The following RSPO2 variants were observed in gnomAD, a reference collection of about 807,000 sequenced individuals.
RSPO2 encodes the protein R-spondin-2.
Under a neutral mutation model 30.9 loss-of-function variants are expected in RSPO2, and 14 were observed. The observed-to-expected ratio is 0.45, with a 90% confidence interval of 0.30 to 0.71. The LOEUF (loss-of-function observed/expected upper bound fraction) is 0.71. Among genes scored for constraint, RSPO2 ranks in the 30% least tolerant of loss-of-function variants. The probability of loss-of-function intolerance (pLI) is 0.08; values close to 1 mark genes in which losing one functional copy is unlikely to be tolerated. For missense variants in RSPO2, 264 were observed against 301.9 expected (o/e 0.87, Z 0.93); for synonymous variants, 107 against 96.4 (o/e 1.11, Z -0.64).
intron 5 of RSPO2, among the ~76,000 whole-genome samples, chr8:107,928,652 A>G (rs915377579): frequency 6.6e-6 from 1 of 152,210 alleles, no homozygotes; most frequent in Admixed American, 6.5e-5. Context: ...CAAGTTTAGA[A>G]CATGCTCTTT....
Position 107,960,715 on chromosome 8 carries a change from G to A in RSPO2, c.386C>T (p.Pro129Leu), listed in dbSNP as rs1359670074. Residue 129 changes from proline (P) to leucine (L), a missense_variant, in exon 4 of 6, where the codon CCA (proline) becomes CTA (leucine). Transcript: ENST00000276659. ...LHRGRCFDEC[P>L]DGFAPLEETM... ...TTCTTCTAATGGTGCAAAACCATCT[G>A]GACATTCATCAAAGCAACGGCCTCT... 1 of 1,613,450 alleles carries A rather than the reference G, an allele frequency of 6.2e-7. No homozygotes were observed. The highest frequency in any genetic ancestry group is 1.7e-5 in the Admixed American group (1 of 59,952).
intron 5 of RSPO2, among the ~76,000 whole-genome samples, chr8:107,931,284 C>T (rs902130152): frequency 1.3e-5 from 2 of 152,232 alleles, no homozygotes; most frequent in African/African-American, 4.8e-5. Flanking sequence ...TCTTTATTCT[C>T]CCCGTATCCT....
At chr8:108,005,514 C>T (rs1476004313) in intron 2 of RSPO2, among the ~76,000 whole-genome samples, 8 of 149,778 alleles carry the variant, frequency 5.3e-5, no homozygotes, top group African/African-American at 2.0e-4. Context: ...CCTTTCCCTT[C>T]TCCCTCATTT....
chr8:107,978,773 C>T (rs1436944488), intron 3 of RSPO2, among the ~76,000 whole-genome samples: 5 of 152,070 alleles, frequency 3.3e-5, no homozygotes, highest in Non-Finnish European at 7.4e-5. Context: ...ATTTTTGCAA[C>T]CTACTCATCT....
At chr8:108,079,710 A>G (rs1813129544) in intron 2 of RSPO2, among the ~76,000 whole-genome samples, 2 of 152,086 alleles carry the variant, frequency 1.3e-5, no homozygotes, top group African/African-American at 2.4e-5. Flanking sequence ...AAAAAAAAAA[A>G]AAGAATCAGG....
At chr8:108,040,691 G>A (rs1462026387) in intron 2 of RSPO2, among the ~76,000 whole-genome samples, 1 of 152,152 alleles carries the variant, frequency 6.6e-6, no homozygotes, top group African/African-American at 2.4e-5. Flanking sequence ...AACTAATGGA[G>A]GAAGGGGGCT....
At chr8:107,952,694 TCC>T (rs1563536467) in intron 5 of RSPO2, among the ~76,000 whole-genome samples, 1 of 152,202 alleles carries the variant, frequency 6.6e-6, no homozygotes, top group Non-Finnish European at 1.5e-5. Flanking sequence ...TATGCTTATT[TCC>T]TGCTCTGGGG....
chr8:108,061,297 G>A (rs1176456543), intron 2 of RSPO2, among the ~76,000 whole-genome samples: 1 of 151,828 alleles, frequency 6.6e-6, no homozygotes, highest in African/African-American at 2.4e-5. Context: ...CCCATCTCAT[G>A]TGCAGAGACA....
chr8:108,011,810 C>T (rs763900939), intron 2 of RSPO2, among the ~76,000 whole-genome samples: 2 of 152,148 alleles, frequency 1.3e-5, no homozygotes, highest in Non-Finnish European at 2.9e-5. Context: ...TCTTAATTTG[C>T]TTAAAATACA....
At chr8:107,966,377 C>T (rs182722064) in intron 3 of RSPO2, among the ~76,000 whole-genome samples, 48 of 152,116 alleles carry the variant, frequency 3.2e-4, no homozygotes, top group African/African-American at 1.1e-3. Flanking sequence ...GATCTTCAGT[C>T]CACTGAGGGG....
At chr8:108,001,523 A>G (rs1815248600) in intron 2 of RSPO2, among the ~76,000 whole-genome samples, 1 of 152,216 alleles carries the variant, frequency 6.6e-6, no homozygotes, top group Admixed American at 6.5e-5. Context: ...ATCACAACAC[A>G]TGCATCGGAA....
intron 5 of RSPO2, among the ~76,000 whole-genome samples, chr8:107,942,131 T>TC (rs1812919337): frequency 6.6e-6 from 1 of 152,098 alleles, no homozygotes; most frequent in Non-Finnish European, 1.5e-5. Context: ...AGCCCTGGTC[T>TC]CCCCAAGAAC....
rs189508903 is a variant in RSPO2 at position 107,942,559 on chromosome 8, A to G, written c.616+15521T>C. Among the ~76,000 whole-genome samples, 6 of 152,312 alleles carry G rather than the reference A, an allele frequency of 3.9e-5. No homozygotes were observed. The East Asian group carries it at 1.2e-3, about 29-fold the overall frequency. Reference sequence around the variant, plus strand: ...ACTAGAAAGTAAAAATTTTAAACTAAATTTCTTTGTTCATAAAATTAAATA... The same window carrying G: ...ACTAGAAAGTAAAAATTTTAAACTAGATTTCTTTGTTCATAAAATTAAATA... On this transcript the variant is annotated intron_variant, in intron 5 of 5. Transcript: ENST00000276659.
At position 107,901,062 on chromosome 8, in the gene RSPO2, CG is replaced by C. The variant is rs773693002; in HGVS notation, c.*12del. The stretch of plus-strand genomic sequence containing the variant: ...AAAACAAAAACCCCTAAAAATCTAC[CG>C]GATCTCTTGTTTTATTGGTTAGCTC... On this transcript the variant is annotated 3_prime_UTR_variant, in exon 6 of 6. Coordinates refer to ENST00000276659, the MANE Select transcript of RSPO2 (RefSeq NM_178565.5). 5.6e-6 allele frequency: 9 copies of C among 1,609,814 alleles called. No homozygotes were observed. Among genetic ancestry groups the C allele is most frequent in the Admixed American group, 1.7e-5 (1 of 58,842 alleles).
At chr8:108,052,789 ACAC>A (rs1193422587) in intron 2 of RSPO2, among the ~76,000 whole-genome samples, 5 of 152,224 alleles carry the variant, frequency 3.3e-5, no homozygotes, top group Non-Finnish European at 7.3e-5. Flanking sequence ...GATCAACATT[ACAC>A]AACAATTAAG....
intron 5 of RSPO2, among the ~76,000 whole-genome samples, chr8:107,919,992 C>T (rs1284492231): frequency 1.3e-5 from 2 of 151,958 alleles, no homozygotes; most frequent in Non-Finnish European, 2.9e-5. Context: ...TTTTATGCCA[C>T]AAAATAAGGT....
At chr8:107,985,043 A>T (rs1420300591) in intron 3 of RSPO2, among the ~76,000 whole-genome samples, 2 of 152,196 alleles carry the variant, frequency 1.3e-5, no homozygotes, top group African/African-American at 2.4e-5. Flanking sequence ...AATAGAAAAA[A>T]GGGGAGCAGT....
At chr8:108,054,985 G>T (rs1812197848) in intron 2 of RSPO2, among the ~76,000 whole-genome samples, 1 of 152,156 alleles carries the variant, frequency 6.6e-6, no homozygotes, top group Admixed American at 6.5e-5. Context: ...GCCGGGTGTG[G>T]TGGTGCGTGC....
At chr8:107,961,988 G>A (rs921754256) in intron 3 of RSPO2, among the ~76,000 whole-genome samples, 3 of 152,214 alleles carry the variant, frequency 2.0e-5, no homozygotes, top group Non-Finnish European at 2.9e-5. Context: ...GTAAAGGAGA[G>A]AAGTTCGCAG....
Sources: gnomAD v4.1 joint callset for allele counts (sites outside exome capture counted in the v4.1 genomes callset) on GRCh38, gnomAD v4.1.1 for gene constraint, MANE v1.5 for transcripts, NCBI Gene and HGNC (gene_info 2026-07-23, HGNC 2026-07-21) for gene names.